The following ARHGAP22 variants were observed in gnomAD, a reference collection of about 807,000 sequenced individuals.
The protein encoded by ARHGAP22 is rho GTPase-activating protein 22.
ARHGAP22 carries 48 observed loss-of-function variants against 59.1 expected under a neutral mutation model. That is an observed-to-expected ratio of 0.81 (90% CI 0.64 to 1.03). The LOEUF is 1.03. Ranked by LOEUF, ARHGAP22 falls within the 50% of genes least tolerant of loss-of-function variation. The pLI is 0.00. For missense variants in ARHGAP22, 1,015 were observed against 958.7 expected, an observed-to-expected ratio of 1.06 and a Z score of -0.78; for synonymous variants, 445 against 416.4, an observed-to-expected ratio of 1.07 and a Z score of -0.84.
At chr10:48,508,211 A>G (rs1262586573) in intron 3 of ARHGAP22, among the ~76,000 whole-genome samples, 1 of 152,216 alleles carries the variant, frequency 6.6e-6, no homozygotes, top group East Asian at 1.9e-4. Context: ...TTGGACTCCC[A>G]GGCAGAACTT....
chr10:48,583,571 T>C (rs968100883), intron 1 of ARHGAP22, among the ~76,000 whole-genome samples: 3 of 152,212 alleles, frequency 2.0e-5, no homozygotes, highest in African/African-American at 7.2e-5. Context: ...TTTCTTACTA[T>C]GTGCATAGAA....
intron 3 of ARHGAP22, among the ~76,000 whole-genome samples, chr10:48,532,212 G>A (rs939576474): frequency 5.3e-5 from 8 of 152,178 alleles, no homozygotes; most frequent in Non-Finnish European, 1.0e-4. Context: ...GGTGGGTAGA[G>A]GGTAGAGCCT....
chr10:48,541,570 C>T (rs868417567), intron 3 of ARHGAP22, among the ~76,000 whole-genome samples: 2 of 152,196 alleles, frequency 1.3e-5, no homozygotes, highest in Non-Finnish European at 2.9e-5. Flanking sequence ...GCAGGACAGG[C>T]GGCATCCTGG....
the ARHGAP22 span, chr10:48,429,945 T>C: frequency 6.6e-6 from 1 of 152,224 alleles, no homozygotes; most frequent in African/African-American, 2.4e-5. Context: ...TATACAATTC[T>C]CAAAAGATTC....
chr10:48,605,115 G>T, upstream of ARHGAP22: 1 of 1,253,024 alleles, frequency 8.0e-7, no homozygotes, highest in Non-Finnish European at 1.0e-6. Flanking sequence ...CTGGGCGCAC[G>T]CGTGGCTGTC....
intron 1 of ARHGAP22, among the ~76,000 whole-genome samples, chr10:48,639,673 G>A (rs1187454292): frequency 6.6e-6 from 1 of 152,198 alleles, no homozygotes; most frequent in African/African-American, 2.4e-5. Flanking sequence ...GAGGGAGACA[G>A]ATTTCACAGA....
At chr10:48,498,667 G>C (rs955286508) in intron 3 of ARHGAP22, among the ~76,000 whole-genome samples, 2 of 152,226 alleles carry the variant, frequency 1.3e-5, no homozygotes, top group African/African-American at 4.8e-5. Context: ...AAGAAGGGCA[G>C]CAGCCACAGA....
intron 1 of ARHGAP22, among the ~76,000 whole-genome samples, chr10:48,621,670 G>C (rs916371645): frequency 2.0e-5 from 3 of 152,152 alleles, no homozygotes; most frequent in Admixed American, 6.5e-5. Context: ...AAAAGGTTTA[G>C]TTGATTTATA....
chr10:48,513,933 C>T (rs1265049246), intron 3 of ARHGAP22, among the ~76,000 whole-genome samples: 1 of 151,918 alleles, frequency 6.6e-6, no homozygotes, highest in Non-Finnish European at 1.5e-5. Context: ...CCACCAATTA[C>T]AGAATGTCAA....
intron 3 of ARHGAP22, among the ~76,000 whole-genome samples, chr10:48,539,879 ATTTT>A (rs1590044189): frequency 6.6e-6 from 1 of 152,200 alleles, no homozygotes; most frequent in African/African-American, 2.4e-5. Flanking sequence ...CTTATAATAA[ATTTT>A]TTAATTTAAA....
chr10:48,456,998 G>A (rs771822598), intron 5 of ARHGAP22, among the ~76,000 whole-genome samples: 13 of 152,056 alleles, frequency 8.5e-5, no homozygotes, highest in South Asian at 4.1e-4. Context: ...CCCAGCATGC[G>A]GCGACATTAG....
At chr10:48,636,529 C>G (rs545056581) in intron 1 of ARHGAP22, among the ~76,000 whole-genome samples, 2 of 152,188 alleles carry the variant, frequency 1.3e-5, no homozygotes, top group African/African-American at 4.8e-5. Flanking sequence ...TGGGTTGCAT[C>G]GGGGTCCTCC....
At chr10:48,650,906 T>C (rs1263874400) in intron 1 of ARHGAP22, among the ~76,000 whole-genome samples, 1 of 152,168 alleles carries the variant, frequency 6.6e-6, no homozygotes, top group African/African-American at 2.4e-5. Context: ...GTGTGAGAAG[T>C]GTCTGCAGCA....
chr10:48,564,499 G>C, intron 2 of ARHGAP22, among the ~76,000 whole-genome samples: 1 of 152,210 alleles, frequency 6.6e-6, no homozygotes, highest in East Asian at 1.9e-4. Flanking sequence ...GGTGGGAATG[G>C]TGAAGGAGCT....
At chr10:48,636,294 T>C (rs1039400125) in intron 1 of ARHGAP22, among the ~76,000 whole-genome samples, 1 of 152,176 alleles carries the variant, frequency 6.6e-6, no homozygotes, top group Non-Finnish European at 1.5e-5. Flanking sequence ...GGTGTCTGGG[T>C]CTTTCCAGCC....
chr10:48,584,875 T>C (rs7070535), intron 1 of ARHGAP22, among the ~76,000 whole-genome samples: 118 of 151,918 alleles, frequency 7.8e-4, no homozygotes, highest in African/African-American at 2.8e-3. Flanking sequence ...GAGCCTGTAG[T>C]CCCAGCTACT....
intron 1 of ARHGAP22, among the ~76,000 whole-genome samples, chr10:48,648,903 C>A (rs968363780): frequency 1.5e-4 from 23 of 151,988 alleles, no homozygotes; most frequent in Admixed American, 6.6e-5. Context: ...ACATGGATGC[C>A]CATGGATGTG....
In ARHGAP22 at chr10:48,450,794, G is replaced by GC. The variant is rs748723326; in HGVS notation, c.1334dup (p.Gly446ArgfsTer160). 6.4e-7 allele frequency: 1 copy of GC among 1,570,912 alleles called. No individual in the cohort carries two copies. The highest frequency in any genetic ancestry group is 1.8e-5 in the Admixed American group (1 of 55,188). On this transcript the variant is annotated frameshift_variant, in exon 9 of 10. Transcript: ENST00000249601. LOFTEE classifies it high-confidence loss of function. ...TGATGGGCACCTCCAGGGATGAGCC[G>GC]CCCCCCTTCGGGCTTCCCGATAGGG... is the stretch of plus-strand genomic sequence containing the variant.
intron 5 of ARHGAP22, among the ~76,000 whole-genome samples, chr10:48,456,904 G>C (rs374975343): frequency 6.9e-4 from 102 of 147,976 alleles, no homozygotes; most frequent in African/African-American, 2.5e-3. Flanking sequence ...CTAAACTGCT[G>C]TCCCCTTCCC....
Sources: gnomAD v4.1 joint callset for allele counts (sites outside exome capture counted in the v4.1 genomes callset) on GRCh38, gnomAD v4.1.1 for gene constraint, MANE v1.5 for transcripts, NCBI Gene and HGNC (gene_info 2026-07-23, HGNC 2026-07-21) for gene names.